Variants in MYO3B observed in about 807,000 individuals in gnomAD.
MYO3B encodes myosin IIIB, also known as myosin-IIIb.
MYO3B carries 156 observed loss-of-function variants against 174.6 expected under a neutral mutation model. That is an observed-to-expected ratio of 0.89 (90% CI 0.78 to 1.02). The LOEUF (loss-of-function observed/expected upper bound fraction) is 1.02. Among genes scored for constraint, MYO3B ranks in the 50% least tolerant of loss-of-function variants. The probability of loss-of-function intolerance (pLI) is 0.00; values close to 1 mark genes in which losing one functional copy is unlikely to be tolerated. For synonymous variants in MYO3B, 563 were observed against 569.1 expected, an observed-to-expected ratio of 0.99 and a Z score of 0.15; for missense variants, 1,632 against 1,639.4, an observed-to-expected ratio of 1.00 and a Z score of 0.08.
chr2:170,641,824 A>C (rs957739112), intron 32 of MYO3B, among the ~76,000 whole-genome samples: 2 of 126,670 alleles, frequency 1.6e-5, no homozygotes, highest in African/African-American at 6.2e-5. Flanking sequence ...AAGTTGCCTA[A>C]TAGAATGGAA....
intron 24 of MYO3B, among the ~76,000 whole-genome samples, chr2:170,466,173 A>C (rs1575024740): frequency 6.6e-6 from 1 of 152,220 alleles, no homozygotes; most frequent in African/African-American, 2.4e-5. Flanking sequence ...TAAATTACAG[A>C]TACAGATTGT....
chr2:170,650,361 T>G (rs1698907844), intron 32 of MYO3B, among the ~76,000 whole-genome samples: 1 of 152,160 alleles, frequency 6.6e-6, no homozygotes, highest in South Asian at 2.1e-4. Context: ...CCTTGCTAAG[T>G]CACTCTCTAC....
chr2:170,505,090 AAAC>A (rs763540910), intron 28 of MYO3B, among the ~76,000 whole-genome samples: 8 of 152,174 alleles, frequency 5.3e-5, no homozygotes, highest in Non-Finnish European at 8.8e-5. Context: ...CTGGAAGAGA[AAAC>A]AAACGGAAAA....
chr2:170,391,498 C>T (rs781571514), intron 14 of MYO3B, 22 bp from the exon 15 acceptor site: 6 of 1,218,320 alleles, frequency 4.9e-6, no homozygotes, highest in Non-Finnish European at 5.7e-6. Context: ...TATATTATTA[C>T]TAAAGTCTCT....
chr2:170,404,992 G>T (rs2094501397), intron 20 of MYO3B, among the ~76,000 whole-genome samples: 2 of 152,210 alleles, frequency 1.3e-5, no homozygotes, highest in South Asian at 4.1e-4. Flanking sequence ...CACTTAGATT[G>T]CGAGGTGCTT....
At chr2:170,441,567 G>A (rs1364533032) in intron 22 of MYO3B, among the ~76,000 whole-genome samples, 1 of 152,190 alleles carries the variant, frequency 6.6e-6, no homozygotes, top group Admixed American at 6.5e-5. Context: ...AAGGGCTGCT[G>A]GTTGCCCATT....
rs372764462 is a variant in MYO3B, at chr2:170,483,865, T to A, written c.3015-14727T>A. Among the ~76,000 whole-genome samples the A allele has an allele frequency of 2.9e-4, 44 of 152,292 alleles. 1 individual carries two copies. The East Asian group carries it at 3.1e-3, about 11-fold the overall frequency. On this transcript the variant is annotated intron_variant, in intron 25 of 34. Coordinates refer to ENST00000408978, the MANE Select transcript of MYO3B (RefSeq NM_138995.5). ...ACCTGGCTCTTCAGTCAAGGCATGT[T>A]TTCTTCACAGCCTCGATGTGGCCTT...
chr2:170,519,395 C>A (rs1688520651), intron 29 of MYO3B, 43 bp from the exon 30 acceptor site: 1 of 1,541,062 alleles, frequency 6.5e-7, no homozygotes, highest in African/African-American at 1.4e-5. Context: ...CTAACCCTAC[C>A]TACTTCTGAA....
chr2:170,621,150 A>C (rs112545744), intron 32 of MYO3B, among the ~76,000 whole-genome samples: 4,924 of 152,088 alleles, frequency 0.032, 276 homozygotes, highest in African/African-American at 0.11. Flanking sequence ...CGGCCTCCCA[A>C]AGTGCTGGGA....
intron 8 of MYO3B, chr2:170,348,028 T>C (rs1379185433): frequency 1.3e-5 from 2 of 152,176 alleles, no homozygotes; most frequent in Admixed American, 1.3e-4. Flanking sequence ...TTTGGCCAGG[T>C]GCAGTGGTTC....
At chr2:170,461,466 C>CAA (rs1178003357) in intron 23 of MYO3B, among the ~76,000 whole-genome samples, 24 of 42,246 alleles carry the variant, frequency 5.7e-4, no homozygotes, top group African/African-American at 1.2e-3. Context: ...AACTCAGTCT[C>CAA]AAAAAAAAAA....
intron 3 of MYO3B, among the ~76,000 whole-genome samples, chr2:170,211,782 C>A (rs6433179): frequency 0.031 from 4,719 of 152,212 alleles, 242 homozygotes; most frequent in African/African-American, 0.11. Context: ...AAGATGGAGG[C>A]CTGCAGCAAA....
rs138604493 is a variant in MYO3B, at chr2:170,630,656, C to T, written c.3734-20972C>T. Among the ~76,000 whole-genome samples, 308 of 152,338 alleles carry T rather than the reference C, an allele frequency of 2.0e-3. 1 individual carries two copies. The highest frequency in any genetic ancestry group is 7.0e-3 in the African/African-American group (291 of 41,574). On this transcript the variant is annotated intron_variant, in intron 32 of 34. Coordinates refer to ENST00000408978, the MANE Select transcript of MYO3B (RefSeq NM_138995.5). ...GGAGACACCTCCCAGTAGAGGCCGACTGACACCTCATACAGCTGGGTGCCC... is the reference window on the plus strand; with the variant it reads ...GGAGACACCTCCCAGTAGAGGCCGATTGACACCTCATACAGCTGGGTGCCC...
chr2:170,362,545 A>T (rs13019430), intron 8 of MYO3B, among the ~76,000 whole-genome samples: 1 of 151,932 alleles, frequency 6.6e-6, no homozygotes, highest in Non-Finnish European at 1.5e-5. Flanking sequence ...TTCCTGTTCA[A>T]AAGCTCTCCA....
chr2:170,393,187 G>A (rs530134864), intron 16 of MYO3B, among the ~76,000 whole-genome samples: 21 of 151,192 alleles, frequency 1.4e-4, no homozygotes, highest in Admixed American at 4.0e-4. Context: ...GGCTTCAAGC[G>A]ATTCTCCTGC....
At chr2:170,495,629 AT>A (rs1241337304) in intron 25 of MYO3B, among the ~76,000 whole-genome samples, 4 of 151,734 alleles carry the variant, frequency 2.6e-5, no homozygotes, top group Non-Finnish European at 5.9e-5. Flanking sequence ...TAAATCTTTG[AT>A]TGGTGAACTG....
chr2:170,234,499 C>T (rs139204216), intron 6 of MYO3B, among the ~76,000 whole-genome samples: 2 of 152,322 alleles, frequency 1.3e-5, no homozygotes, highest in Non-Finnish European at 2.9e-5. Flanking sequence ...CCATTGGTTG[C>T]ACTGGGGATT....
At chr2:170,531,258 T>C (rs925852381) in intron 30 of MYO3B, among the ~76,000 whole-genome samples, 6 of 152,168 alleles carry the variant, frequency 3.9e-5, no homozygotes, top group Non-Finnish European at 5.9e-5. Context: ...CAGATTTCTC[T>C]GTAGGTCCTG....
intron 22 of MYO3B, among the ~76,000 whole-genome samples, chr2:170,434,862 G>A (rs1055343614): frequency 6.6e-6 from 1 of 152,222 alleles, no homozygotes; most frequent in African/African-American, 2.4e-5. Context: ...GTCTCACTAT[G>A]TTGCCCAAGC....
Sources: allele counts gnomAD v4.1 joint callset (sites outside exome capture counted in the v4.1 genomes callset), GRCh38; gene constraint gnomAD v4.1.1; transcripts MANE v1.5; gene names NCBI Gene and HGNC (gene_info 2026-07-23, HGNC 2026-07-21).